The following GRIN2A variants were observed in gnomAD, a reference collection of about 807,000 sequenced individuals.
The protein encoded by GRIN2A is glutamate receptor ionotropic, NMDA 2A.
A neutral mutation model predicts 113.4 loss-of-function variants in GRIN2A; 22 were observed. That is an observed-to-expected ratio of 0.19 (90% CI 0.14 to 0.28). GRIN2A has a LOEUF of 0.28. GRIN2A is among the 10% of genes least tolerant of loss of function. The pLI is 1.00. For missense variants in GRIN2A, 1,502 were observed against 1,887.0 expected (o/e 0.80, Z 3.78); for synonymous variants, 827 against 738.4 (o/e 1.12, Z -1.94).
rs71157785 is a variant in GRIN2A, at chr16:9,789,553, T to TACAC, written c.2356+8720_2356+8723dup. The stretch of plus-strand genomic sequence containing the variant: ...GTTGATAAGATATATGAAACATACA[T>TACAC]ACACACACACACACACACACACACA... On this transcript the variant is annotated intron_variant, in intron 11 of 12. Coordinates refer to ENST00000330684, the MANE Select transcript of GRIN2A (RefSeq NM_001134407.3). Among the ~76,000 whole-genome samples the TACAC allele has an allele frequency of 3.2e-3, 481 of 149,598 alleles. 13 individuals carry two copies. The highest frequency in any genetic ancestry group is 0.025 in the Admixed American group (373 of 14,922).
In GRIN2A at chr16:9,822,259, C is replaced by T; in HGVS notation, c.2168+5G>A. 6.2e-7 allele frequency: 1 copy of T among 1,613,756 alleles called. No individual in the cohort carries two copies. Among genetic ancestry groups the T allele is most frequent in the South Asian group, 1.1e-5 (1 of 91,066 alleles). Reference sequence around the variant, plus strand: ...CTGTGGTGAAAAGGAAACTGCCATCCTTACCCCGTTTTCAGGCTGACCAAG... The same window carrying T: ...CTGTGGTGAAAAGGAAACTGCCATCTTTACCCCGTTTTCAGGCTGACCAAG... On this transcript the variant is annotated splice_donor_5th_base_variant and intron_variant, in intron 10 of 12. Coordinates refer to ENST00000330684, the MANE Select transcript of GRIN2A (RefSeq NM_001134407.3).
intron 3 of GRIN2A, among the ~76,000 whole-genome samples, chr16:9,936,435 C>A (rs1233107649): frequency 6.6e-6 from 1 of 152,146 alleles, no homozygotes; most frequent in African/African-American, 2.4e-5. Context: ...AGCTTTGAAC[C>A]CAGACAAGTC....
intron 4 of GRIN2A, among the ~76,000 whole-genome samples, chr16:9,884,757 T>TC: frequency 6.7e-6 from 1 of 149,648 alleles, no homozygotes; most frequent in East Asian, 2.0e-4. Flanking sequence ...TTTCTTTTTT[T>TC]TTTTTTTTTT....
At chr16:10,122,369 T>A (rs1390421555) in intron 2 of GRIN2A, among the ~76,000 whole-genome samples, 1 of 151,998 alleles carries the variant, frequency 6.6e-6, no homozygotes, top group Non-Finnish European at 1.5e-5. Flanking sequence ...GGCTTCGGGG[T>A]AAGGAAGCTA....
At chr16:9,963,068 C>T (rs1430447826) in intron 2 of GRIN2A, among the ~76,000 whole-genome samples, 1 of 141,866 alleles carries the variant, frequency 7.0e-6, no homozygotes, top group Non-Finnish European at 1.5e-5. Flanking sequence ...GGGAACTGAA[C>T]AATGAGAACA....
intron 10 of GRIN2A, among the ~76,000 whole-genome samples, chr16:9,807,399 AGGG>A (rs2042002687): frequency 1.8e-5 from 1 of 54,328 alleles, no homozygotes; most frequent in African/African-American, 7.5e-5. Context: ...AGAGGGAGGG[AGGG>A]AGGGAGAGAA....
At chr16:10,176,911 C>T (rs182355717) in intron 2 of GRIN2A, among the ~76,000 whole-genome samples, 1 of 151,924 alleles carries the variant, frequency 6.6e-6, no homozygotes, top group East Asian at 1.9e-4. Context: ...AACTGATAAC[C>T]AAATTGACTA....
intron 10 of GRIN2A, among the ~76,000 whole-genome samples, chr16:9,819,162 T>G (rs1457114421): frequency 6.6e-6 from 1 of 152,208 alleles, no homozygotes. Context: ...GGAAAACTTT[T>G]CACTGTTTTT....
chr16:10,021,085 G>A (rs879476565), intron 2 of GRIN2A, among the ~76,000 whole-genome samples: 1 of 152,178 alleles, frequency 6.6e-6, no homozygotes, highest in African/African-American at 2.4e-5. Context: ...CTTTCAGGGG[G>A]CAGGTGACTG....
intron 11 of GRIN2A, among the ~76,000 whole-genome samples, chr16:9,774,898 T>C (rs948208312): frequency 1.3e-4 from 20 of 152,166 alleles, no homozygotes; most frequent in African/African-American, 4.8e-4. Flanking sequence ...ACTCACTCTA[T>C]CTATGATTCC....
intron 3 of GRIN2A, among the ~76,000 whole-genome samples, chr16:9,935,967 G>A (rs2044705314): frequency 6.6e-6 from 1 of 152,120 alleles, no homozygotes; most frequent in Non-Finnish European, 1.5e-5. Flanking sequence ...CTCCCAAAGT[G>A]CTAGGATTAC....
At chr16:10,178,539 TC>T (rs985167552) in intron 2 of GRIN2A, among the ~76,000 whole-genome samples, 1 of 152,202 alleles carries the variant, frequency 6.6e-6, no homozygotes, top group African/African-American at 2.4e-5. Context: ...GCATGGCTAG[TC>T]CCTACTCTCT....
chr16:9,870,677 G>A (rs2043244324), intron 4 of GRIN2A, among the ~76,000 whole-genome samples: 1 of 139,224 alleles, frequency 7.2e-6, no homozygotes, highest in Non-Finnish European at 1.5e-5. Flanking sequence ...TCGCTCTGTT[G>A]CCCAAGGTGG....
chr16:10,112,680 GA>G lies in GRIN2A; in HGVS notation c.414+67317del, dbSNP rs561963771. The G allele has an allele frequency of 2.1e-4, 157 of 755,520 alleles. 2 individuals carry two copies. The highest frequency in any genetic ancestry group is 2.0e-3 in the South Asian group (149 of 74,426). The allele number at this position is 755,520 out of a possible 1,614,324, so 46.8% of individuals were successfully genotyped here. On this transcript the variant is annotated intron_variant, in intron 2 of 12. Coordinates refer to ENST00000330684, the MANE Select transcript of GRIN2A (RefSeq NM_001134407.3). ...CCAGAAACGATACTTCAGCGAGGGG[GA>G]AAAGGTGAATATTGTGCAGGGTGTC...
intron 3 of GRIN2A, among the ~76,000 whole-genome samples, chr16:9,891,722 G>C (rs553439165): frequency 6.6e-6 from 1 of 152,174 alleles, no homozygotes; most frequent in African/African-American, 2.4e-5. Context: ...TGACCTGAAG[G>C]CTCAATTGGC....
rs1221787505 is a variant in GRIN2A at position 9,763,986 on chromosome 16, G to C, written c.3558C>G (p.Leu1186=). ...CTTTCAAGGTGAAGTGCTTGGAGTA[G>C]AGTTTATACTGGTCGTTGTTGGAAA... The part of the protein sequence containing the change: ...EGLSNNDQYK[L]YSKHFTLKDK... The change falls in exon 13 of 13, where the codon CTC becomes CTG. Residue 1186 remains leucine, a synonymous_variant. Transcript: ENST00000330684. 5.6e-6 allele frequency: 9 copies of C among 1,614,184 alleles called. No individual in the cohort carries two copies. Among genetic ancestry groups the C allele is most frequent in the East Asian group, 2.2e-5 (1 of 44,868 alleles).
intron 2 of GRIN2A, among the ~76,000 whole-genome samples, chr16:10,134,221 A>G (rs899690509): frequency 2.8e-5 from 4 of 145,404 alleles, no homozygotes; most frequent in African/African-American, 5.0e-5. Context: ...AAAAAAATGG[A>G]GAGGAGAGAT....
At chr16:9,891,400 A>G (rs1045019904) in intron 3 of GRIN2A, among the ~76,000 whole-genome samples, 6 of 152,218 alleles carry the variant, frequency 3.9e-5, no homozygotes, top group Non-Finnish European at 5.9e-5. Flanking sequence ...ATTATACTCT[A>G]ACAAACTTCC....
At chr16:9,847,805 A>T (rs1423434134) in intron 5 of GRIN2A, among the ~76,000 whole-genome samples, 1 of 148,674 alleles carries the variant, frequency 6.7e-6, no homozygotes, top group African/African-American at 2.4e-5. Context: ...ACATAACAGT[A>T]GGGGCATATT....
Sources: gnomAD v4.1 joint callset for allele counts (sites outside exome capture counted in the v4.1 genomes callset) on GRCh38, gnomAD v4.1.1 for gene constraint, MANE v1.5 for transcripts, NCBI Gene and HGNC (gene_info 2026-07-23, HGNC 2026-07-21) for gene names.